Variants in TXNDC11 observed in about 807,000 individuals in gnomAD.
The protein encoded by TXNDC11 is thioredoxin domain containing 11, also known as thioredoxin domain-containing protein 11.
Under a neutral mutation model 78.0 loss-of-function variants are expected in TXNDC11, and 68 were observed. The ratio of observed to expected loss-of-function variants is 0.87; its 90% CI spans 0.72 to 1.07. TXNDC11 has a LOEUF of 1.07. Among genes scored for constraint, TXNDC11 ranks in the 50% least tolerant of loss-of-function variants. The probability of loss-of-function intolerance (pLI) is 0.00; values close to 1 mark genes in which losing one functional copy is unlikely to be tolerated. For missense variants in TXNDC11, 1,389 were observed against 1,221.8 expected, an observed-to-expected ratio of 1.14 and a Z score of -2.04; for synonymous variants, 571 against 495.2, an observed-to-expected ratio of 1.15 and a Z score of -2.03.
At chr16:11,714,620 A>T (rs1164365328) in intron 5 of TXNDC11, among the ~76,000 whole-genome samples, 1 of 151,748 alleles carries the variant, frequency 6.6e-6, no homozygotes, top group Non-Finnish European at 1.5e-5. Flanking sequence ...AGCCTGGGCG[A>T]CAAAGCAAGA....
rs186913995 is a variant in TXNDC11, at chr16:11,725,112, G to A, written c.700-3442C>T. Among the ~76,000 whole-genome samples the A allele has an allele frequency of 2.7e-3, 410 of 152,196 alleles. 3 individuals are homozygous for A. Among genetic ancestry groups the A allele is most frequent in the Middle Eastern group, 3.4e-3 (1 of 294 alleles). On this transcript the variant is annotated intron_variant, in intron 4 of 11. Coordinates refer to ENST00000283033, the MANE Select transcript of TXNDC11 (RefSeq NM_015914.7). ...TAATCTCCCTTTATGGGATCTCCTG[G>A]CAAGTTCATTTCAGTTTTTAGCTAC...
intron 5 of TXNDC11, among the ~76,000 whole-genome samples, chr16:11,717,939 C>G (rs2051591876): frequency 6.6e-6 from 1 of 152,008 alleles, no homozygotes; most frequent in Non-Finnish European, 1.5e-5. Flanking sequence ...AGGCCGAGCC[C>G]TGGAGAAAAA....
At chr16:11,732,818 G>C (rs9935281) in intron 3 of TXNDC11, among the ~76,000 whole-genome samples, 3,941 of 152,178 alleles carry the variant, frequency 0.026, 179 homozygotes, top group African/African-American at 0.09. Flanking sequence ...ATCACTGTTT[G>C]TGCATGTTTG....
chr16:11,742,496 C>A lies in TXNDC11; in HGVS notation c.235G>T (p.Ala79Ser), dbSNP rs1384923203. The change falls in exon 1 of 12, where the codon GCC becomes TCC. Residue 79 changes from alanine to serine, a missense_variant. Physicochemically the swap from Ala to Ser is moderately conservative, Grantham distance 99. Coordinates refer to ENST00000283033, the MANE Select transcript of TXNDC11 (RefSeq NM_015914.7). ...AVALGCALLL[A>S]LKFTCSRAKD... ...CCTCACCTGCAGGTGAACTTGAGGG[C>A]GAGGAGCAGCGCGCAGCCGAGCGCC... 4.8e-6 allele frequency: 7 copies of A among 1,451,280 alleles called. No individual in the cohort carries two copies. Among genetic ancestry groups the A allele is most frequent in the Non-Finnish European group, 6.3e-6 (7 of 1,110,166 alleles). 89.9% of individuals were successfully genotyped at this position (1,451,280 alleles called of 1,614,324 possible).
intron 4 of TXNDC11, among the ~76,000 whole-genome samples, chr16:11,722,800 A>C (rs2051749024): frequency 6.6e-6 from 1 of 152,250 alleles, no homozygotes; most frequent in African/African-American, 2.4e-5. Flanking sequence ...TGCATCCAAA[A>C]TTTGGTGGAA....
intron 1 of TXNDC11, among the ~76,000 whole-genome samples, chr16:11,741,343 C>A (rs893876447): frequency 1.2e-4 from 19 of 152,168 alleles, no homozygotes; most frequent in Non-Finnish European, 2.1e-4. Flanking sequence ...AGAAGTACAC[C>A]TGAAATATAC....
Position 11,679,086 on chromosome 16 carries a change from T to C in TXNDC11, c.*109A>G. 1 of 1,204,100 alleles carries C rather than the reference T, an allele frequency of 8.3e-7. No homozygotes were observed. Among genetic ancestry groups the C allele is most frequent in the Non-Finnish European group, 1.2e-6 (1 of 867,476 alleles). The allele number at this position is 1,204,100 out of a possible 1,614,324, so 74.6% of individuals were successfully genotyped here. A position where few individuals can be genotyped will look rare whatever the true frequency, so the allele number is the denominator to read the frequency against. ...TGCTGAATGACATTCAAGCTGATTT[T>C]CTAGACCACTGAGAAAATCTTTATT... On this transcript the variant is annotated 3_prime_UTR_variant, in exon 12 of 12. Coordinates refer to ENST00000283033, the MANE Select transcript of TXNDC11 (RefSeq NM_015914.7). The surrounding 1 kb of genome is among the most constrained non-coding windows in gnomAD (Gnocchi z 4.6).
In TXNDC11 at chr16:11,742,747, C is replaced by T; in HGVS notation, c.-17G>A. ...TTCCGACATTACATGCTCCCAGTCG[C>T]CGGCTTTATACCGCCGCCGCCGCCT... On this transcript the variant is annotated 5_prime_UTR_variant, in exon 1 of 12. Coordinates refer to ENST00000283033, the MANE Select transcript of TXNDC11 (RefSeq NM_015914.7). 6.8e-7 allele frequency: 1 copy of T among 1,460,294 alleles called. No homozygotes were observed. Among genetic ancestry groups the T allele is most frequent in the Non-Finnish European group, 9.0e-7 (1 of 1,115,186 alleles). The allele number at this position is 1,460,294 out of a possible 1,614,324, so 90.5% of individuals were successfully genotyped here. A position where few individuals can be genotyped will look rare whatever the true frequency, so the allele number is the denominator to read the frequency against.
At position 11,692,006 on chromosome 16, in the gene TXNDC11, C is replaced by T. The variant is rs745928850; in HGVS notation, c.1184G>A (p.Arg395Gln). Residue 395 changes from arginine (R) to glutamine (Q), a missense_variant, in exon 8 of 12, where the codon CGG becomes CAG. Arg to Gln is a conservative substitution (Grantham distance 43). Transcript: ENST00000283033. Reference protein sequence around the residue: ...VVERLLQHLRRVDAPVLESLA... With the variant: ...VVERLLQHLRQVDAPVLESLA... ...GGACTCCAGCACTGGAGCATCCACC[C>T]GCCGCAGGTGCTGAAGGAGACGCTC... is the stretch of plus-strand genomic sequence containing the variant. 8 of 1,573,938 alleles carry T rather than the reference C, an allele frequency of 5.1e-6. No individual in the cohort carries two copies. The highest frequency in any genetic ancestry group is 6.9e-6 in the Non-Finnish European group (8 of 1,158,838).
Position 11,719,361 on chromosome 16 carries a change from T to C in TXNDC11, c.793+2216A>G, listed in dbSNP as rs117534779. Among the ~76,000 whole-genome samples, 903 of 152,356 alleles carry C rather than the reference T, an allele frequency of 5.9e-3. 4 individuals carry two copies. The highest frequency in any genetic ancestry group is 9.1e-3 in the Non-Finnish European group (617 of 68,030). ...TTTGTTTCCAAAGTTCAAACTTCCA[T>C]TTGCTAAGTCTGCTTAGTCACTTGA... is the stretch of plus-strand genomic sequence containing the variant. On this transcript the variant is annotated intron_variant, in intron 5 of 11. Transcript: ENST00000283033.
At chr16:11,722,332 C>CT (rs2051732807) in intron 4 of TXNDC11, among the ~76,000 whole-genome samples, 1 of 152,220 alleles carries the variant, frequency 6.6e-6, no homozygotes, top group Admixed American at 6.5e-5. Context: ...TTCCACTTCT[C>CT]TAAGCTGGGC....
At chr16:11,684,020 G>C in intron 11 of TXNDC11, 145 bp downstream of exon 11, 1 of 556,816 alleles carries the variant, frequency 1.8e-6, no homozygotes, top group Non-Finnish European at 3.3e-6. Flanking sequence ...CAAAGTGCTG[G>C]GATTACAGGC....
In TXNDC11 at chr16:11,691,990, C is replaced by A. The variant is rs780686241; in HGVS notation, c.1200G>T (p.Val400=). The A allele has an allele frequency of 1.7e-5, 27 of 1,587,170 alleles. No homozygotes were observed. Among genetic ancestry groups the A allele is most frequent in the Non-Finnish European group, 2.3e-5 (27 of 1,165,206 alleles). ...LQHLRRVDAP[V]LESLALEVPA... is the part of the protein sequence containing the mutation. The stretch of plus-strand genomic sequence containing the variant: ...GCACTTCCAGGGCCAGGGACTCCAG[C>A]ACTGGAGCATCCACCCGCCGCAGGT... The change falls in exon 8 of 12, where the codon GTG becomes GTT. Residue 400 remains valine (V), a synonymous_variant. Transcript: ENST00000283033.
chr16:11,697,199 A>G (rs371822510), intron 7 of TXNDC11, among the ~76,000 whole-genome samples: 3 of 152,224 alleles, frequency 2.0e-5, no homozygotes, highest in African/African-American at 7.2e-5. Flanking sequence ...AGAGGGAATC[A>G]TAACTTGAGC....
chr16:11,711,039 T>G (rs1290362337), intron 5 of TXNDC11, among the ~76,000 whole-genome samples: 3 of 152,002 alleles, frequency 2.0e-5, no homozygotes. Flanking sequence ...CCGGACGTCA[T>G]GCTAGATAGT....
chr16:11,720,549 G>A (rs2051672183), intron 5 of TXNDC11, among the ~76,000 whole-genome samples: 1 of 151,118 alleles, frequency 6.6e-6, no homozygotes, highest in African/African-American at 2.4e-5. Context: ...CCAAGTAGCT[G>A]GGACTACAAG....
Position 11,692,026 on chromosome 16 carries a change from AC to A in TXNDC11, c.1163del (p.Arg388LeufsTer66). 6.4e-7 allele frequency: 1 copy of A among 1,556,468 alleles called. No individual in the cohort carries two copies. The highest frequency in any genetic ancestry group is 8.7e-7 in the Non-Finnish European group (1 of 1,151,126). ...CCACCCGCCGCAGGTGCTGAAGGAG[AC>A]GCTCCACCACCTGGTCCCCATGACA... is the stretch of plus-strand genomic sequence containing the variant. ...NNCHGDQVVE[R>X]LLQHLRRVDA... On this transcript the variant is annotated frameshift_variant, in exon 8 of 12. Transcript: ENST00000283033. LOFTEE classifies it high-confidence loss of function.
intron 4 of TXNDC11, among the ~76,000 whole-genome samples, chr16:11,727,255 A>T (rs894837393): frequency 3.3e-5 from 5 of 151,360 alleles, no homozygotes; most frequent in African/African-American, 1.2e-4. Context: ...ATTTTTTTTT[A>T]AAACAAGGAG....
At chr16:11,723,151 G>A (rs899699483) in intron 4 of TXNDC11, among the ~76,000 whole-genome samples, 4 of 151,804 alleles carry the variant, frequency 2.6e-5, no homozygotes, top group African/African-American at 7.3e-5. Context: ...CCAAATACTC[G>A]GAAAGCTGAG....
Sources: gnomAD v4.1 joint callset for allele counts (sites outside exome capture counted in the v4.1 genomes callset) on GRCh38, gnomAD v4.1.1 for gene constraint, Gnocchi (gnomAD v3.1) non-coding constraint, MANE v1.5 for transcripts, NCBI Gene and HGNC (gene_info 2026-07-23, HGNC 2026-07-21) for gene names.